Variants in NME7 observed in about 807,000 individuals in gnomAD.
The protein encoded by NME7 is nucleoside diphosphate kinase 7.
NME7 carries 41 observed loss-of-function variants against 49.1 expected under a neutral mutation model. That is an observed-to-expected ratio of 0.83 (90% confidence interval 0.65 to 1.08). The LOEUF (loss-of-function observed/expected upper bound fraction) is 1.08. Among genes scored for constraint, NME7 ranks in the 50% least tolerant of loss-of-function variants. The pLI is 0.00. For missense variants in NME7, 423 were observed against 463.4 expected, an observed-to-expected ratio of 0.91 and a Z score of 0.80; for synonymous variants, 139 against 150.6, an observed-to-expected ratio of 0.92 and a Z score of 0.56.
chr1:169,180,613 TCTC>T (rs1659897059), intron 10 of NME7, among the ~76,000 whole-genome samples: 1 of 152,048 alleles, frequency 6.6e-6, no homozygotes, highest in Admixed American at 6.6e-5. Context: ...CATCTAATCT[TCTC>T]CTATAATTAC....
rs536734026 is a variant in NME7 at position 169,151,838 on chromosome 1, C to T, written c.1098+17609G>A. ...ATGTCCTCTGTCCATCTGCCTCCTC[C>T]CTCGGGTTCATTGCCCCTACATGAC... On this transcript the variant is annotated intron_variant, in intron 11 of 11. Transcript: ENST00000367811. Among the ~76,000 whole-genome samples the T allele has an allele frequency of 2.6e-5, 4 of 152,252 alleles. No individual in the cohort carries two copies. The South Asian group carries it at 8.3e-4, about 32-fold the overall frequency.
intron 1 of NME7, among the ~76,000 whole-genome samples, chr1:169,326,159 T>C (rs1458127717): frequency 2.6e-5 from 4 of 152,138 alleles, no homozygotes; most frequent in Non-Finnish European, 4.4e-5. Flanking sequence ...GGTACTTCCA[T>C]TTATCCATGT....
At chr1:169,134,574 C>T (rs977072251) in intron 11 of NME7, among the ~76,000 whole-genome samples, 5 of 151,970 alleles carry the variant, frequency 3.3e-5, no homozygotes, top group African/African-American at 7.3e-5. Context: ...ACTGAAATAC[C>T]GAGTTAGTAT....
In NME7 at chr1:169,342,607, GTATATATATATACAAGTAC is replaced by G. The variant is rs1557831255; in HGVS notation, c.4-18126_4-18108del. ...ATATATATACAAGTACATATATATAGTATATATATATACAAGTACATATATATAGTATATATATATACAA... is the reference window on the plus strand; with the variant it reads ...ATATATATACAAGTACATATATATAGATATATATAGTATATATATATACAA... On this transcript the variant is annotated intron_variant, in intron 1 of 11. Transcript: ENST00000367811. Among the ~76,000 whole-genome samples, 69 of 32,788 alleles carry G rather than the reference GTATATATATATACAAGTAC, an allele frequency of 2.1e-3. 12 individuals are homozygous for G. Among genetic ancestry groups the G allele is most frequent in the Middle Eastern group, 0.014 (1 of 70 alleles). The allele number at this position is 32,788 out of a possible 152,430, so 21.5% of individuals were successfully genotyped here.
At chr1:169,232,560 G>C (rs1479141643) in intron 9 of NME7, among the ~76,000 whole-genome samples, 3 of 151,814 alleles carry the variant, frequency 2.0e-5, no homozygotes, top group East Asian at 1.9e-4. Flanking sequence ...GGGTGTTGGG[G>C]GGGGGGCAGG....
At position 169,257,109 on chromosome 1, in the gene NME7, G is replaced by C. The variant is rs1435166835; in HGVS notation, c.755-19422C>G. The stretch of plus-strand genomic sequence containing the variant: ...GGCTCCGCCCAGGTGGAGCTTCCTG[G>C]CTGCTTTGTTTACCTAATCAAGCCT... On this transcript the variant is annotated intron_variant, in intron 7 of 11. Transcript: ENST00000367811. 6.7e-5 allele frequency among the ~76,000 whole-genome samples: 9 copies of C among 135,042 alleles called. 4 individuals carry two copies. The highest frequency in any genetic ancestry group is 1.6e-4 in the Non-Finnish European group (9 of 57,194). 88.6% of individuals were successfully genotyped at this position (135,042 alleles called of 152,430 possible). A position where few individuals can be genotyped will look rare whatever the true frequency, so the allele number is the denominator to read the frequency against.
At chr1:169,186,745 T>C (rs1255037725) in intron 10 of NME7, among the ~76,000 whole-genome samples, 1 of 152,198 alleles carries the variant, frequency 6.6e-6, no homozygotes, top group African/African-American at 2.4e-5. Flanking sequence ...GTTTTTCGTG[T>C]CTCTATCTCT....
intron 10 of NME7, among the ~76,000 whole-genome samples, chr1:169,205,499 T>C (rs190009370): frequency 1.6e-3 from 240 of 152,260 alleles, no homozygotes; most frequent in African/African-American, 5.1e-3. Context: ...TTATGGAATA[T>C]TCTAAGAAGT....
chr1:169,162,397 GA>G lies in NME7; in HGVS notation c.1098+7049del, dbSNP rs535546551. Among the ~76,000 whole-genome samples the G allele has an allele frequency of 3.1e-4, 44 of 140,548 alleles. 1 individual carries two copies. The highest frequency in any genetic ancestry group is 2.0e-3 in the East Asian group (10 of 4,898). 92.2% of individuals were successfully genotyped at this position (140,548 alleles called of 152,430 possible). On this transcript the variant is annotated intron_variant, in intron 11 of 11. Coordinates refer to ENST00000367811, the MANE Select transcript of NME7 (RefSeq NM_013330.5). ...GTATCACCAAGTTACAGAACATTTA[GA>G]AAAAAAAAAACAGGAAAGACCTATG...
rs192399773 is a variant in NME7, at chr1:169,275,112, T to C, written c.754+12191A>G. Among the ~76,000 whole-genome samples the C allele has an allele frequency of 4.0e-3, 536 of 133,076 alleles. 68 individuals are homozygous for C. The highest frequency in any genetic ancestry group is 0.013 in the African/African-American group (514 of 39,420). 87.3% of individuals were successfully genotyped at this position (133,076 alleles called of 152,430 possible). On this transcript the variant is annotated intron_variant, in intron 7 of 11. Transcript: ENST00000367811. ...TCCCACCCATGAGCATGGAATGTTC[T>C]TCCACTTGTTTGTATCCTCTTTTAT...
At chr1:169,234,044 C>A (rs1483875748) in intron 9 of NME7, among the ~76,000 whole-genome samples, 1 of 152,058 alleles carries the variant, frequency 6.6e-6, no homozygotes, top group Non-Finnish European at 1.5e-5. Flanking sequence ...ACATACAAGG[C>A]TGTCAAAATG....
chr1:169,313,148 A>C (rs1430701779), intron 3 of NME7, among the ~76,000 whole-genome samples: 1 of 151,936 alleles, frequency 6.6e-6, no homozygotes, highest in East Asian at 1.9e-4. Flanking sequence ...ATTTTTAAAA[A>C]ATCTTTTAAA....
At chr1:169,222,652 G>A (rs1661179598) in intron 10 of NME7, among the ~76,000 whole-genome samples, 1 of 152,190 alleles carries the variant, frequency 6.6e-6, no homozygotes, top group African/African-American at 2.4e-5. Context: ...ATGGCGAGGA[G>A]AGGAAGGAGC....
chr1:169,227,945 C>CTAAG (rs1196481418), intron 10 of NME7, among the ~76,000 whole-genome samples: 1 of 151,448 alleles, frequency 6.6e-6, no homozygotes, highest in Non-Finnish European at 1.5e-5. Flanking sequence ...TACTCACAGG[C>CTAAG]TAAGATCTTT....
At chr1:169,162,587 T>C (rs1401011765) in intron 11 of NME7, among the ~76,000 whole-genome samples, 1 of 152,168 alleles carries the variant, frequency 6.6e-6, no homozygotes, top group Non-Finnish European at 1.5e-5. Flanking sequence ...CTCTCACCTA[T>C]AATCCCAAAA....
intron 7 of NME7, among the ~76,000 whole-genome samples, chr1:169,273,265 T>A (rs913580371): frequency 2.3e-5 from 3 of 129,196 alleles, no homozygotes; most frequent in South Asian, 2.4e-4. Context: ...TGTGTCCATG[T>A]GTTTTCATTG....
At chr1:169,320,179 A>G (rs1651800780) in intron 3 of NME7, among the ~76,000 whole-genome samples, 1 of 152,196 alleles carries the variant, frequency 6.6e-6, no homozygotes, top group African/African-American at 2.4e-5. Context: ...ACAATCATAA[A>G]GCACCAATTA....
chr1:169,367,124 C>A, intron 1 of NME7, among the ~76,000 whole-genome samples: 1 of 146,932 alleles, frequency 6.8e-6, no homozygotes, highest in Non-Finnish European at 1.5e-5. Context: ...TCCAAGCAAT[C>A]CCAGGAGAAA....
chr1:169,213,096 A>C (rs902982665), intron 10 of NME7, among the ~76,000 whole-genome samples: 1 of 152,182 alleles, frequency 6.6e-6, no homozygotes, highest in African/African-American at 2.4e-5. Flanking sequence ...ATATATATGT[A>C]ATGCAGGCAT....
Sources: gnomAD v4.1 joint callset for allele counts (sites outside exome capture counted in the v4.1 genomes callset) on GRCh38, gnomAD v4.1.1 for gene constraint, MANE v1.5 for transcripts, NCBI Gene and HGNC (gene_info 2026-07-23, HGNC 2026-07-21) for gene names.